PCSK5: variants seen among roughly 807,000 people sequenced by gnomAD.
PCSK5 encodes the protein proprotein convertase subtilisin/kexin type 5.
Under a neutral mutation model 233.2 loss-of-function variants are expected in PCSK5, and 129 were observed. The observed-to-expected ratio is 0.55, with a 90% CI of 0.48 to 0.64. The LOEUF is 0.64. Among genes scored for constraint, PCSK5 ranks in the 30% least tolerant of loss-of-function variants. The pLI, the probability that PCSK5 is intolerant of heterozygous loss-of-function variation, is 0.00. For synonymous variants in PCSK5, 825 were observed against 879.2 expected, an observed-to-expected ratio of 0.94 and a Z score of 1.09; for missense variants, 2,076 against 2,430.1, an observed-to-expected ratio of 0.85 and a Z score of 3.06.
intron 9 of PCSK5, among the ~76,000 whole-genome samples, chr9:76,128,837 G>A (rs1334387530): frequency 1.3e-5 from 2 of 152,060 alleles, no homozygotes; most frequent in Non-Finnish European, 2.9e-5. Context: ...AAATCTTGAG[G>A]TATTATTAAC....
chr9:76,287,797 C>T (rs1327897612), intron 24 of PCSK5: 2 of 208,632 alleles, frequency 9.6e-6, no homozygotes, highest in South Asian at 1.9e-4. Context: ...CATCACAAAC[C>T]TAGGTGGGCA....
chr9:76,205,226 C>T (rs1419424624), intron 20 of PCSK5: 2 of 518,950 alleles, frequency 3.9e-6, no homozygotes, highest in Admixed American at 3.9e-5. Context: ...CCGTATTCAA[C>T]CCTCCACCTC....
At chr9:76,254,890 A>G (rs1826929987) in intron 24 of PCSK5, among the ~76,000 whole-genome samples, 2 of 152,228 alleles carry the variant, frequency 1.3e-5, no homozygotes, top group African/African-American at 4.8e-5. Flanking sequence ...AGCTCTGGGT[A>G]CATATTAGGA....
At chr9:76,203,128 C>T (rs1188175633) in intron 20 of PCSK5, among the ~76,000 whole-genome samples, 1 of 152,132 alleles carries the variant, frequency 6.6e-6, no homozygotes, top group Admixed American at 6.5e-5. Context: ...TCCCTGTGAA[C>T]CTTCCAGCTA....
intron 1 of PCSK5, among the ~76,000 whole-genome samples, chr9:75,907,407 A>G (rs1055423704): frequency 3.3e-5 from 5 of 152,214 alleles, no homozygotes; most frequent in African/African-American, 4.8e-5. Flanking sequence ...TGTTTATTCT[A>G]TAAAGGGGTA....
intron 10 of PCSK5, among the ~76,000 whole-genome samples, chr9:76,142,384 A>G (rs1230006266): frequency 6.6e-6 from 1 of 152,158 alleles, no homozygotes; most frequent in Non-Finnish European, 1.5e-5. Flanking sequence ...TAATTTGAAC[A>G]GAAACCCTGA....
intron 7 of PCSK5, among the ~76,000 whole-genome samples, chr9:76,082,460 G>GTT: frequency 6.6e-6 from 1 of 152,170 alleles, no homozygotes; most frequent in Non-Finnish European, 1.5e-5. Context: ...ATTCCTGGTT[G>GTT]CATTGAAGAG....
At chr9:75,929,080 C>T (rs1564088515) in intron 1 of PCSK5, among the ~76,000 whole-genome samples, 2 of 152,072 alleles carry the variant, frequency 1.3e-5, no homozygotes, top group Admixed American at 6.5e-5. Context: ...GGACTACAGG[C>T]GTGTACCACA....
At chr9:76,002,095 A>C (rs940100170) in intron 3 of PCSK5, among the ~76,000 whole-genome samples, 1 of 152,230 alleles carries the variant, frequency 6.6e-6, no homozygotes, top group Non-Finnish European at 1.5e-5. Flanking sequence ...ATTCAACAAC[A>C]TTTATTGAAT....
intron 7 of PCSK5, among the ~76,000 whole-genome samples, chr9:76,075,873 T>A (rs58996457): frequency 2.0e-5 from 3 of 152,122 alleles, no homozygotes; most frequent in Non-Finnish European, 4.4e-5. Context: ...TTCTATATGC[T>A]GTAGATAAAG....
chr9:76,142,406 G>A (rs531787856), intron 10 of PCSK5, among the ~76,000 whole-genome samples: 23 of 152,168 alleles, frequency 1.5e-4, no homozygotes, highest in African/African-American at 5.3e-4. Flanking sequence ...GAATAAGGGA[G>A]CATTCTAAGT....
chr9:75,920,889 A>T (rs1823230021), intron 1 of PCSK5, among the ~76,000 whole-genome samples: 1 of 152,194 alleles, frequency 6.6e-6, no homozygotes, highest in Non-Finnish European at 1.5e-5. Flanking sequence ...AGTATGAAAA[A>T]ATACTGGCAA....
Position 76,175,469 on chromosome 9 carries a change from C to T in PCSK5, c.1900+340C>T, listed in dbSNP as rs138067701. ...CTAATAGTCCATATTGCGATTGTACCATAATATAGTTAATCTGTAATCTGG... is the reference window on the plus strand; with the variant it reads ...CTAATAGTCCATATTGCGATTGTACTATAATATAGTTAATCTGTAATCTGG... On this transcript the variant is annotated intron_variant, in intron 14 of 37. Transcript: ENST00000674117. The T allele has an allele frequency of 1.7e-3, 645 of 386,404 alleles. 5 individuals carry two copies. Among genetic ancestry groups the T allele is most frequent in the African/African-American group, 0.012 (584 of 48,454 alleles). 23.9% of individuals were successfully genotyped at this position (386,404 alleles called of 1,614,324 possible).
At chr9:76,154,752 C>T (rs1168799859) in intron 10 of PCSK5, among the ~76,000 whole-genome samples, 1 of 152,072 alleles carries the variant, frequency 6.6e-6, no homozygotes, top group Admixed American at 6.5e-5. Flanking sequence ...GGGAAAAATA[C>T]CATCAACTGT....
At chr9:76,013,944 A>G (rs1311657494) in intron 3 of PCSK5, among the ~76,000 whole-genome samples, 5 of 150,772 alleles carry the variant, frequency 3.3e-5, no homozygotes. Flanking sequence ...TTTTTTCTCA[A>G]CTTTTTTTTT....
intron 30 of PCSK5, among the ~76,000 whole-genome samples, chr9:76,315,480 T>C (rs1186827777): frequency 6.6e-6 from 1 of 152,182 alleles, no homozygotes; most frequent in African/African-American, 2.4e-5. Flanking sequence ...TTAAGTACTT[T>C]GAATTTAACG....
intron 24 of PCSK5, 97 bp downstream of exon 24, chr9:76,240,781 T>C: frequency 1.2e-6 from 1 of 819,890 alleles, no homozygotes; most frequent in Non-Finnish European, 2.1e-6. Context: ...ACTCTTGTCA[T>C]TGCTGTCAGC....
chr9:76,027,177 A>AAT, intron 5 of PCSK5, 140 bp downstream of exon 5: 1 of 574,882 alleles, frequency 1.7e-6, no homozygotes, highest in South Asian at 2.4e-5. Context: ...GTGTCTTTCC[A>AAT]CTGAAGCCTC....
intron 33 of PCSK5, among the ~76,000 whole-genome samples, chr9:76,328,541 C>T (rs1380227618): frequency 6.6e-6 from 1 of 152,176 alleles, no homozygotes; most frequent in Non-Finnish European, 1.5e-5. Flanking sequence ...TCCTCTCACT[C>T]TCTCAATGTA....
Sources: gnomAD v4.1 joint callset for allele counts (sites outside exome capture counted in the v4.1 genomes callset) on GRCh38, gnomAD v4.1.1 for gene constraint, MANE v1.5 for transcripts, NCBI Gene and HGNC (gene_info 2026-07-23, HGNC 2026-07-21) for gene names.